Variants in ZNRF3 observed in about 807,000 individuals in gnomAD.
ZNRF3 encodes the protein E3 ubiquitin-protein ligase ZNRF3.
ZNRF3 carries 23 observed loss-of-function variants against 72.5 expected under a neutral mutation model. The observed-to-expected ratio is 0.32, with a 90% CI of 0.23 to 0.45. The LOEUF (loss-of-function observed/expected upper bound fraction) is 0.45, where lower values mean the gene tolerates loss of function less well. Among genes scored for constraint, ZNRF3 ranks in the 20% least tolerant of loss-of-function variants. ZNRF3 has a pLI of 1.00. For synonymous variants in ZNRF3, 610 were observed against 545.3 expected, an observed-to-expected ratio of 1.12 and a Z score of -1.65; for missense variants, 1,169 against 1,272.1, an observed-to-expected ratio of 0.92 and a Z score of 1.23.
chr22:28,965,878 G>A (rs2035450197), intron 1 of ZNRF3, among the ~76,000 whole-genome samples: 1 of 152,186 alleles, frequency 6.6e-6, no homozygotes, highest in Non-Finnish European at 1.5e-5. Context: ...CAGTGGACAT[G>A]AAAATGCCAA....
In ZNRF3 at chr22:28,884,206, TGCGGGCGGGCAG is replaced by T. The variant is rs1230525278; in HGVS notation, c.300+150_300+161del. Reference sequence around the variant, plus strand: ...CGAGAGGCCGGCGGCATCCCTCCCCTGCGGGCGGGCAGGCGGGCGGGACGCGGCCTCCGGGGC... The same window carrying T: ...CGAGAGGCCGGCGGCATCCCTCCCCTGCGGGCGGGACGCGGCCTCCGGGGC... On this transcript the variant is annotated intron_variant, in intron 1 of 8. Transcript: ENST00000544604. 162 of 619,468 alleles carry T rather than the reference TGCGGGCGGGCAG, an allele frequency of 2.6e-4. 1 individual carries two copies. The highest frequency in any genetic ancestry group is 4.9e-5 in the Non-Finnish European group (24 of 490,870). The allele number at this position is 619,468 out of a possible 1,614,324, so 38.4% of individuals were successfully genotyped here.
At chr22:28,982,490 TA>T (rs897159311) in intron 1 of ZNRF3, among the ~76,000 whole-genome samples, 2 of 145,278 alleles carry the variant, frequency 1.4e-5, no homozygotes, top group African/African-American at 2.6e-5. Flanking sequence ...TGCTTGAGCC[TA>T]GGGGGTCGAG....
intron 2 of ZNRF3, among the ~76,000 whole-genome samples, chr22:29,016,959 G>A (rs2036448241): frequency 6.6e-6 from 1 of 152,228 alleles, no homozygotes; most frequent in Non-Finnish European, 1.5e-5. Context: ...TATTCTCTAT[G>A]AAATTGAGAC....
chr22:29,034,029 T>C (rs2036817975), intron 2 of ZNRF3, among the ~76,000 whole-genome samples: 1 of 152,150 alleles, frequency 6.6e-6, no homozygotes, highest in Non-Finnish European at 1.5e-5. Flanking sequence ...ATGAGCATGG[T>C]TTCTGCCCCC....
chr22:28,993,957 G>A (rs1445897579), intron 2 of ZNRF3, among the ~76,000 whole-genome samples: 1 of 152,030 alleles, frequency 6.6e-6, no homozygotes, highest in Non-Finnish European at 1.5e-5. Flanking sequence ...ACAGGCGTGA[G>A]CCACCGCACT....
In ZNRF3 at chr22:29,005,226, G is replaced by C. The variant is rs116357539; in HGVS notation, c.426+18025G>C. 1.8e-3 allele frequency among the ~76,000 whole-genome samples: 276 copies of C among 152,336 alleles called. 1 individual carries two copies. The highest frequency in any genetic ancestry group is 6.4e-3 in the African/African-American group (267 of 41,586). On this transcript the variant is annotated intron_variant, in intron 2 of 8. Transcript: ENST00000544604. ...AGCGGCTCCTCCAAGCCAGGCCTCT[G>C]ACCCTCACTTGCCAGGAGGAAAACC...
intron 2 of ZNRF3, among the ~76,000 whole-genome samples, chr22:28,998,171 C>T (rs933271859): frequency 1.7e-4 from 26 of 151,758 alleles, no homozygotes; most frequent in African/African-American, 6.1e-4. Context: ...TGGTGGCGGG[C>T]ACCTGTAATC....
intron 1 of ZNRF3, 128 bp from the exon 2 acceptor site, chr22:28,986,948 A>G: frequency 7.7e-7 from 1 of 1,299,196 alleles, no homozygotes; most frequent in Non-Finnish European, 1.0e-6. Flanking sequence ...GGGTTGAAAA[A>G]CTGTCCCCAC....
chr22:28,912,971 A>C lies in ZNRF3; in HGVS notation c.300+28905A>C, dbSNP rs534118053. Among the ~76,000 whole-genome samples, 335 of 152,300 alleles carry C rather than the reference A, an allele frequency of 2.2e-3. 1 individual carries two copies. Among genetic ancestry groups the C allele is most frequent in the Non-Finnish European group, 3.6e-3 (248 of 68,016 alleles). ...GTAAGCCACCGCACCCGGCAGGGAC[A>C]CAGTTTTCGAATCCTTGCCGATTTG... On this transcript the variant is annotated intron_variant, in intron 1 of 8. Transcript: ENST00000544604.
chr22:29,024,454 A>G (rs1015481512), intron 2 of ZNRF3, among the ~76,000 whole-genome samples: 2 of 152,220 alleles, frequency 1.3e-5, no homozygotes, highest in East Asian at 1.9e-4. Context: ...GTGCGTTGCT[A>G]CTGAGGTCTG....
intron 1 of ZNRF3, among the ~76,000 whole-genome samples, chr22:28,947,845 A>G (rs1457923475): frequency 6.7e-6 from 1 of 149,404 alleles, no homozygotes; most frequent in Non-Finnish European, 1.5e-5. Context: ...ACATGTTAAC[A>G]AAAATAACTT....
intron 2 of ZNRF3, among the ~76,000 whole-genome samples, chr22:28,990,557 A>T (rs935010893): frequency 1.3e-5 from 2 of 151,972 alleles, no homozygotes; most frequent in African/African-American, 4.8e-5. Context: ...GGTGGCATGC[A>T]CCTGTAGTTC....
rs1359830522 is a variant in ZNRF3 at position 29,055,255 on chromosome 22, C to T, written c.*1633C>T. On this transcript the variant is annotated 3_prime_UTR_variant, in exon 9 of 9. Coordinates refer to ENST00000544604, the MANE Select transcript of ZNRF3 (RefSeq NM_001206998.2). ...CTTTGTGTTCACTAACTCTTCTGGT[C>T]ACTTGTATTTATTTATTCATTCATT... 1 of 152,116 alleles carries T rather than the reference C, an allele frequency of 6.6e-6. No individual in the cohort carries two copies. Among genetic ancestry groups the T allele is most frequent in the Non-Finnish European group, 1.5e-5 (1 of 68,018 alleles). 9.4% of individuals were successfully genotyped at this position (152,116 alleles called of 1,614,324 possible). A position where few individuals can be genotyped will look rare whatever the true frequency, so the allele number is the denominator to read the frequency against.
chr22:28,943,807 A>G (rs927248756), intron 1 of ZNRF3, among the ~76,000 whole-genome samples: 1 of 152,164 alleles, frequency 6.6e-6, no homozygotes, highest in Non-Finnish European at 1.5e-5. Context: ...ACATTTTAAC[A>G]CATTTATTTT....
chr22:29,037,455 AG>A (rs935931247), intron 2 of ZNRF3, among the ~76,000 whole-genome samples: 2 of 152,230 alleles, frequency 1.3e-5, no homozygotes, highest in Admixed American at 1.3e-4. Context: ...TAACATTCAC[AG>A]TCAGGGAGCA....
chr22:29,001,621 G>T (rs766703003), intron 2 of ZNRF3, among the ~76,000 whole-genome samples: 1 of 151,958 alleles, frequency 6.6e-6, no homozygotes. Flanking sequence ...ATAGGCACAC[G>T]CCATCACGCC....
intron 1 of ZNRF3, among the ~76,000 whole-genome samples, chr22:28,926,446 C>T (rs1032202426): frequency 6.6e-6 from 1 of 150,794 alleles, no homozygotes; most frequent in Non-Finnish European, 1.5e-5. Context: ...TCAGTCTCCC[C>T]AGTAGCTGGG....
rs1242991553 is a variant in ZNRF3 at position 29,053,629 on chromosome 22, G to A, written c.*7G>A. The A allele has an allele frequency of 6.2e-7, 1 of 1,612,862 alleles. No individual in the cohort carries two copies. Among genetic ancestry groups the A allele is most frequent in the South Asian group, 1.1e-5 (1 of 90,962 alleles). On this transcript the variant is annotated 3_prime_UTR_variant, in exon 9 of 9. Transcript: ENST00000544604. Reference sequence around the variant, plus strand: ...CAGCAGCCCGGGAGCCTGAGCTCAGGAGGAACTCTTACCTGGAAATTGGGA... The same window carrying A: ...CAGCAGCCCGGGAGCCTGAGCTCAGAAGGAACTCTTACCTGGAAATTGGGA...
rs2123883043 is a variant in ZNRF3, at chr22:29,044,896, G to A, written c.744+6G>A. On this transcript the variant is annotated splice_donor_region_variant and intron_variant, in intron 5 of 8. Coordinates refer to ENST00000544604, the MANE Select transcript of ZNRF3 (RefSeq NM_001206998.2). ...TGAAGCAGCGACGCAGTCAGGTAGT[G>A]CCTCTGTGTGTAGCCCGTGAGCAGT... is the stretch of plus-strand genomic sequence containing the variant. The A allele has an allele frequency of 1.2e-6, 2 of 1,604,604 alleles. No homozygotes were observed. Among genetic ancestry groups the A allele is most frequent in the Admixed American group, 1.7e-5 (1 of 59,984 alleles).
Sources: allele counts gnomAD v4.1 joint callset (sites outside exome capture counted in the v4.1 genomes callset), GRCh38; gene constraint gnomAD v4.1.1; transcripts MANE v1.5; gene names NCBI Gene and HGNC (gene_info 2026-07-23, HGNC 2026-07-21).